TASP1: variants seen among roughly 807,000 people sequenced by gnomAD.
TASP1 encodes threonine aspartase 1.
A neutral mutation model predicts 56.6 loss-of-function variants in TASP1; 16 were observed. That is an observed-to-expected ratio of 0.28 (90% confidence interval 0.19 to 0.43). TASP1 has a LOEUF of 0.43. Among genes scored for constraint, TASP1 ranks in the 20% least tolerant of loss-of-function variants. TASP1 has a pLI of 1.00. For missense variants in TASP1, 393 were observed against 511.6 expected, an observed-to-expected ratio of 0.77 and a Z score of 2.24; for synonymous variants, 179 against 184.2, an observed-to-expected ratio of 0.97 and a Z score of 0.23.
chr20:13,462,474 T>TG (rs1382690781), intron 11 of TASP1, among the ~76,000 whole-genome samples: 1 of 152,180 alleles, frequency 6.6e-6, no homozygotes, highest in Admixed American at 6.6e-5. Flanking sequence ...TTGAAGGGCA[T>TG]GAACCCTTTT....
chr20:13,561,466 A>G lies in TASP1; in HGVS notation c.569-2352T>C, dbSNP rs769006597. ...CTACAACCCCTGCCTCCCAGGTTCA[A>G]GCAATTCACTTGCCTCGGCCTCCCA... On this transcript the variant is annotated intron_variant, in intron 7 of 13. Coordinates refer to ENST00000337743, the MANE Select transcript of TASP1 (RefSeq NM_017714.3). Among the ~76,000 whole-genome samples the G allele has an allele frequency of 2.1e-4, 32 of 152,114 alleles. 1 individual carries two copies. Among genetic ancestry groups the G allele is most frequent in the Admixed American group, 1.0e-3 (16 of 15,270 alleles).
the TASP1 span, chr20:13,299,516 C>A: frequency 6.7e-7 from 1 of 1,496,456 alleles, no homozygotes; most frequent in Non-Finnish European, 9.0e-7. The surrounding 1 kb of genome is among the most constrained non-coding windows in gnomAD (Gnocchi z 5.8). Flanking sequence ...ACACGTGCTG[C>A]ACTGACGTGC....
At chr20:13,600,446 T>A (rs569404978) in intron 4 of TASP1, 6 of 152,108 alleles carry the variant, frequency 3.9e-5, no homozygotes, top group Non-Finnish European at 8.8e-5. Context: ...AAATGGTCAA[T>A]TTTTGCCAAA....
the TASP1 span, among the ~76,000 whole-genome samples, chr20:13,141,744 G>C: frequency 6.6e-6 from 1 of 152,208 alleles, no homozygotes; most frequent in African/African-American, 2.4e-5. Context: ...ATGGTTTCAG[G>C]CCCCTGGCAT....
Position 13,511,826 on chromosome 20 carries a change from A to G in TASP1, c.874+16607T>C, listed in dbSNP as rs947293719. On this transcript the variant is annotated intron_variant, in intron 10 of 13. Coordinates refer to ENST00000337743, the MANE Select transcript of TASP1 (RefSeq NM_017714.3). ...TGTGTCCAAGTGTTCTCATTGTTCA[A>G]TTCTCACCTATGAGTGAGAACATGA... Among the ~76,000 whole-genome samples the G allele has an allele frequency of 3.6e-5, 5 of 140,086 alleles. No homozygotes were observed. In the East Asian group the frequency reaches 6.4e-4, roughly 18 times the overall value. 91.9% of individuals were successfully genotyped at this position (140,086 alleles called of 152,430 possible). A position where few individuals can be genotyped will look rare whatever the true frequency, so the allele number is the denominator to read the frequency against.
At chr20:13,401,971 T>C (rs764272912) in intron 13 of TASP1, among the ~76,000 whole-genome samples, 1 of 152,334 alleles carries the variant, frequency 6.6e-6, no homozygotes, top group South Asian at 2.1e-4. Context: ...GAGAAATTAA[T>C]GTTTTCATTA....
the TASP1 span, among the ~76,000 whole-genome samples, chr20:13,200,299 C>G: frequency 2.0e-5 from 3 of 152,176 alleles, no homozygotes; most frequent in East Asian, 5.8e-4. Context: ...GTGTTGAGTG[C>G]TCACCATTTG....
chr20:13,443,274 A>T (rs2043287437), intron 11 of TASP1, among the ~76,000 whole-genome samples: 1 of 152,220 alleles, frequency 6.6e-6, no homozygotes, highest in Non-Finnish European at 1.5e-5. Context: ...ATATAAAAGG[A>T]AACATTATTT....
chr20:13,614,351 A>G (rs1043607138), intron 4 of TASP1, among the ~76,000 whole-genome samples: 1 of 152,044 alleles, frequency 6.6e-6, no homozygotes, highest in Non-Finnish European at 1.5e-5. Flanking sequence ...CCCTCACACA[A>G]CAACATACGT....
the TASP1 span, among the ~76,000 whole-genome samples, chr20:13,196,443 G>T: frequency 6.6e-6 from 1 of 152,082 alleles, no homozygotes; most frequent in African/African-American, 2.4e-5. Flanking sequence ...TGTACCAGCT[G>T]GTCCCTCTAT....
At chr20:13,210,677 A>G in the TASP1 span, among the ~76,000 whole-genome samples, 1,718 of 151,896 alleles carry the variant, frequency 0.011, 37 homozygotes, top group African/African-American at 0.039. Context: ...CCAGAGGTAA[A>G]CAATAATCAT....
At chr20:13,278,104 A>G in the TASP1 span, among the ~76,000 whole-genome samples, 12,894 of 152,152 alleles carry the variant, frequency 0.085, 624 homozygotes, top group Middle Eastern at 0.13. Context: ...TTTCTGATTC[A>G]TTTGCACATA....
At chr20:13,376,344 T>G in the TASP1 span, among the ~76,000 whole-genome samples, 3 of 152,216 alleles carry the variant, frequency 2.0e-5, no homozygotes, top group Admixed American at 2.0e-4. Flanking sequence ...CCTTTCCCCA[T>G]TGCTTGTTTT....
chr20:13,298,466 G>A, the TASP1 span, among the ~76,000 whole-genome samples: 1 of 152,288 alleles, frequency 6.6e-6, no homozygotes, highest in East Asian at 1.9e-4. Context: ...TCTTAAGTTT[G>A]TTAGGAGTGA....
chr20:13,589,141 T>C (rs1372927645), intron 4 of TASP1, among the ~76,000 whole-genome samples: 11 of 149,452 alleles, frequency 7.4e-5, no homozygotes, highest in Non-Finnish European at 1.6e-4. Context: ...CACTGCGAGC[T>C]CTGCCTCCTG....
At chr20:13,334,351 A>G in the TASP1 span, among the ~76,000 whole-genome samples, 555 of 152,342 alleles carry the variant, frequency 3.6e-3, 6 homozygotes, top group African/African-American at 0.013. Flanking sequence ...TAATGCAATA[A>G]TGCATTTTGA....
chr20:13,636,965 A>G (rs1254191680), intron 1 of TASP1, among the ~76,000 whole-genome samples: 1 of 152,250 alleles, frequency 6.6e-6, no homozygotes, highest in Non-Finnish European at 1.5e-5. Flanking sequence ...GACAACCCAT[A>G]AAATGGGAGA....
At chr20:13,426,384 C>A (rs913583215) in intron 12 of TASP1, among the ~76,000 whole-genome samples, 4 of 152,008 alleles carry the variant, frequency 2.6e-5, no homozygotes, top group African/African-American at 7.2e-5. Flanking sequence ...GAATTCTATT[C>A]ATAAATTTTT....
intron 4 of TASP1, among the ~76,000 whole-genome samples, chr20:13,609,744 A>C (rs2048286608): frequency 6.6e-6 from 1 of 151,954 alleles, no homozygotes; most frequent in Admixed American, 6.6e-5. Flanking sequence ...TGACCCAGCA[A>C]TTTCACTTCT....
Sources: gnomAD v4.1 joint callset for allele counts (sites outside exome capture counted in the v4.1 genomes callset) on GRCh38, gnomAD v4.1.1 for gene constraint, Gnocchi (gnomAD v3.1) non-coding constraint, MANE v1.5 for transcripts, NCBI Gene and HGNC (gene_info 2026-07-23, HGNC 2026-07-21) for gene names.